The following TRNAU1AP variants were observed in gnomAD, a reference collection of about 807,000 sequenced individuals.
TRNAU1AP encodes the protein tRNA selenocysteine 1 associated protein 1, also known as tRNA selenocysteine 1-associated protein 1.
Under a neutral mutation model 43.3 loss-of-function variants are expected in TRNAU1AP, and 33 were observed. That is an observed-to-expected ratio of 0.76 (90% CI 0.58 to 1.02). The LOEUF (loss-of-function observed/expected upper bound fraction) is 1.02, where lower values mean the gene tolerates loss of function less well. Among genes scored for constraint, TRNAU1AP ranks in the 50% least tolerant of loss-of-function variants. The pLI, the probability that TRNAU1AP is intolerant of heterozygous loss-of-function variation, is 0.00. For missense variants in TRNAU1AP, 290 were observed against 362.7 expected, an observed-to-expected ratio of 0.80 and a Z score of 1.63; for synonymous variants, 143 against 129.1, an observed-to-expected ratio of 1.11 and a Z score of -0.73.
intron 2 of TRNAU1AP, among the ~76,000 whole-genome samples, chr1:28,557,060 C>T (rs535217844): frequency 3.8e-4 from 56 of 145,912 alleles, no homozygotes; most frequent in Non-Finnish European, 6.6e-4. Context: ...GTGATCTGTC[C>T]GCCTCAGCCT....
At chr1:28,560,525 C>T (rs778352557) in intron 2 of TRNAU1AP, 108 bp from the exon 3 acceptor site, 1 of 811,614 alleles carries the variant, frequency 1.2e-6, no homozygotes, top group Non-Finnish European at 2.0e-6. Context: ...ATCCACCTGC[C>T]TTGGCCTCCC....
intron 7 of TRNAU1AP, among the ~76,000 whole-genome samples, chr1:28,571,626 A>C (rs1161119486): frequency 6.6e-6 from 1 of 152,052 alleles, no homozygotes; most frequent in Non-Finnish European, 1.5e-5. Flanking sequence ...TACTAAAAAT[A>C]CAAAAAATTA....
chr1:28,572,034 A>G, intron 8 of TRNAU1AP, 134 bp downstream of exon 8: 2 of 799,316 alleles, frequency 2.5e-6, no homozygotes, highest in East Asian at 5.0e-5. Flanking sequence ...AGAGAGCCAG[A>G]CAAATATGTA....
intron 2 of TRNAU1AP, 59 bp downstream of exon 2, chr1:28,553,796 T>C: frequency 2.7e-6 from 4 of 1,456,588 alleles, no homozygotes; most frequent in Non-Finnish European, 2.9e-6. Context: ...TGTACGAGAA[T>C]GTAAACATCG....
intron 2 of TRNAU1AP, among the ~76,000 whole-genome samples, chr1:28,558,656 C>T (rs1218119962): frequency 1.3e-5 from 2 of 150,218 alleles, no homozygotes; most frequent in Non-Finnish European, 2.9e-5. Context: ...GCTCTGCCTC[C>T]TGGGTTCACG....
chr1:28,557,809 G>C (rs192263236), intron 2 of TRNAU1AP, among the ~76,000 whole-genome samples: 1 of 151,752 alleles, frequency 6.6e-6, no homozygotes, highest in Non-Finnish European at 1.5e-5. Context: ...GGATAGTCTC[G>C]ATCTCTTGAC....
intron 2 of TRNAU1AP, among the ~76,000 whole-genome samples, chr1:28,556,462 G>A (rs1020713033): frequency 2.0e-5 from 3 of 150,170 alleles, no homozygotes; most frequent in African/African-American, 7.3e-5. Flanking sequence ...AAACTTTGTT[G>A]CAAAAATAAA....
chr1:28,563,894 TA>T lies in TRNAU1AP; in HGVS notation c.279-808del, dbSNP rs1665477134. On this transcript the variant is annotated intron_variant, in intron 4 of 8. Transcript: ENST00000373830. ...AATAACAAAGGTTTGTGTGTTCGTT[TA>T]TTTTTTTAATAGAATTGACCTCCTA... 2.0e-5 allele frequency among the ~76,000 whole-genome samples: 3 copies of T among 152,106 alleles called. No homozygotes were observed. The South Asian group carries it at 6.2e-4, about 32-fold the overall frequency.
At chr1:28,569,849 AAATT>A (rs1665624410) in intron 6 of TRNAU1AP, among the ~76,000 whole-genome samples, 1 of 150,196 alleles carries the variant, frequency 6.7e-6, no homozygotes, top group African/African-American at 2.5e-5. Flanking sequence ...AAAAAAAAAA[AAATT>A]AGCCGGGCGT....
In TRNAU1AP at chr1:28,567,383, C is replaced by T. The variant is rs1205688992; in HGVS notation, c.500C>T (p.Pro167Leu). The T allele has an allele frequency of 6.2e-7, 1 of 1,611,798 alleles. No individual in the cohort carries two copies. Among genetic ancestry groups the T allele is most frequent in the Non-Finnish European group, 8.5e-7 (1 of 1,179,562 alleles). The change falls in exon 6 of 9, where the codon CCT becomes CTT. Residue 167 changes from proline (P) to leucine (L), a missense_variant. By Grantham distance (98) the Pro-to-Leu change is moderately conservative. This residue lies in a region of TRNAU1AP where 174 missense variants were observed against 262.1 expected (regional missense o/e 0.66). Transcript: ENST00000373830. ...CQGAVGLGSK[P>L]VRLSVAIPKA... ...GGAGCAGTGGGACTGGGGTCTAAGC[C>T]TGTGCGGCTGAGCGTGGCAATCCCT... is the stretch of plus-strand genomic sequence containing the variant.
At chr1:28,568,930 G>A (rs1457274756) in intron 6 of TRNAU1AP, among the ~76,000 whole-genome samples, 1 of 151,726 alleles carries the variant, frequency 6.6e-6, no homozygotes, top group African/African-American at 2.4e-5. Context: ...TCCTGCCTCA[G>A]CCTCCCGAGT....
chr1:28,559,082 A>AT (rs1665346404), intron 2 of TRNAU1AP, among the ~76,000 whole-genome samples: 1 of 149,292 alleles, frequency 6.7e-6, no homozygotes, highest in Non-Finnish European at 1.5e-5. Context: ...TTTATTTTTT[A>AT]TTTTTTTGAG....
At position 28,577,550 on chromosome 1, in the gene TRNAU1AP, CAG is replaced by C. The variant is rs1665821979; in HGVS notation, c.781_782del (p.Ser261Ter). ...VTEANKEFME[Q>X]SEELYDALMD... Reference sequence around the variant, plus strand: ...TGAGGCCAACAAGGAGTTCATGGAACAGAGTGAGGAGCTGTATGACGCTCTGA... The same window carrying C: ...TGAGGCCAACAAGGAGTTCATGGAACAGTGAGGAGCTGTATGACGCTCTGA... On this transcript the variant is annotated frameshift_variant, in exon 9 of 9. Transcript: ENST00000373830. LOFTEE classifies it high-confidence loss of function. 2.5e-6 allele frequency: 4 copies of C among 1,614,086 alleles called. No homozygotes were observed. The highest frequency in any genetic ancestry group is 1.3e-5 in the African/African-American group (1 of 75,022).
intron 1 of TRNAU1AP, 80 bp from the exon 2 acceptor site, chr1:28,553,560 G>A: frequency 7.2e-7 from 1 of 1,381,092 alleles, no homozygotes. Flanking sequence ...CCAGCCCTGG[G>A]CTGAACGGGA....
chr1:28,557,460 T>G (rs1665291479), intron 2 of TRNAU1AP, among the ~76,000 whole-genome samples: 1 of 147,840 alleles, frequency 6.8e-6, no homozygotes, highest in Non-Finnish European at 1.5e-5. Flanking sequence ...TCTTGTTTCT[T>G]ACATGTTTCT....
intron 8 of TRNAU1AP, among the ~76,000 whole-genome samples, chr1:28,575,729 T>C (rs1189742506): frequency 6.6e-6 from 1 of 151,584 alleles, no homozygotes; most frequent in African/African-American, 2.4e-5. Flanking sequence ...CTATTTCTAT[T>C]TTTCTAACCC....
At chr1:28,556,968 C>T (rs141091931) in intron 2 of TRNAU1AP, among the ~76,000 whole-genome samples, 4,171 of 132,202 alleles carry the variant, frequency 0.032, 82 homozygotes, top group Admixed American at 0.054. Context: ...TGAGCCACTG[C>T]GCCCGGCCTA....
At chr1:28,567,164 C>A in intron 5 of TRNAU1AP, 130 bp from the exon 6 acceptor site, 1 of 957,148 alleles carries the variant, frequency 1.0e-6, no homozygotes, top group Non-Finnish European at 1.6e-6. Context: ...AATGGACTCT[C>A]TCTTTCTCTT....
At chr1:28,569,550 G>A (rs1665613986) in intron 6 of TRNAU1AP, among the ~76,000 whole-genome samples, 1 of 146,448 alleles carries the variant, frequency 6.8e-6, no homozygotes, top group Admixed American at 7.0e-5. Context: ...AATTAGCCAG[G>A]TGTGGTGGCG....
Sources: allele counts gnomAD v4.1 joint callset (sites outside exome capture counted in the v4.1 genomes callset), GRCh38; gene constraint gnomAD v4.1.1; regional missense constraint gnomAD v4.1.1; transcripts MANE v1.5; gene names NCBI Gene and HGNC (gene_info 2026-07-23, HGNC 2026-07-21).